SYT16: variants seen among roughly 807,000 people sequenced by gnomAD.
SYT16 encodes synaptotagmin-16.
Under a neutral mutation model 61.4 loss-of-function variants are expected in SYT16, and 42 were observed. That is an observed-to-expected ratio of 0.68 (90% confidence interval 0.53 to 0.89). The LOEUF (loss-of-function observed/expected upper bound fraction) is 0.89, where lower values mean the gene tolerates loss of function less well. Among genes scored for constraint, SYT16 ranks in the 40% least tolerant of loss-of-function variants. SYT16 has a pLI of 0.00. For missense variants in SYT16, 804 were observed against 807.3 expected, an observed-to-expected ratio of 1.00 and a Z score of 0.05; for synonymous variants, 314 against 302.3, an observed-to-expected ratio of 1.04 and a Z score of -0.40.
chr14:61,903,083 A>G (rs1439422246), intron 1 of SYT16, among the ~76,000 whole-genome samples: 3 of 152,148 alleles, frequency 2.0e-5, no homozygotes, highest in Non-Finnish European at 2.9e-5. Context: ...GTAGTCCTAT[A>G]GTGTTCTCCC....
At chr14:61,935,258 A>C (rs1472983643) in intron 1 of SYT16, among the ~76,000 whole-genome samples, 3 of 152,192 alleles carry the variant, frequency 2.0e-5, no homozygotes, top group Non-Finnish European at 4.4e-5. Flanking sequence ...GCGGTGATTG[A>C]AGCTGATTCA....
At chr14:62,038,444 G>C (rs1210109220) in intron 3 of SYT16, among the ~76,000 whole-genome samples, 1 of 151,926 alleles carries the variant, frequency 6.6e-6, no homozygotes, top group Non-Finnish European at 1.5e-5. Flanking sequence ...TGGCAGAGTG[G>C]AGCTATGACA....
In SYT16 at chr14:62,069,441, T is replaced by G. The variant is rs1040948846; in HGVS notation, c.524-162T>G. On this transcript the variant is annotated intron_variant, in intron 3 of 7. Transcript: ENST00000683842. ...AGCATTCTTTGCTTTGGACTCAAAT[T>G]TGTGTTGCAAAAGTGCTTTAAATTT... is the stretch of plus-strand genomic sequence containing the variant. 16 of 650,550 alleles carry G rather than the reference T, an allele frequency of 2.5e-5. No individual in the cohort carries two copies. In the African/African-American group the frequency reaches 2.6e-4, roughly 10 times the overall value. The allele number at this position is 650,550 out of a possible 1,614,324, so 40.3% of individuals were successfully genotyped here. A position where few individuals can be genotyped will look rare whatever the true frequency, so the allele number is the denominator to read the frequency against.
chr14:61,910,704 T>G lies in SYT16; in HGVS notation c.-324-59428T>G, dbSNP rs190646724. 3.9e-3 allele frequency among the ~76,000 whole-genome samples: 598 copies of G among 151,988 alleles called. 3 individuals carry two copies. The highest frequency in any genetic ancestry group is 0.014 in the African/African-American group (561 of 41,436). On this transcript the variant is annotated intron_variant, in intron 1 of 7. Coordinates refer to ENST00000683842, the MANE Select transcript of SYT16 (RefSeq NM_001367656.1). ...CCACCACGCCAGGCTAATTCTTGTA[T>G]TTTTAGTAGAGACAGGGTTTCACTA... is the stretch of plus-strand genomic sequence containing the variant.
intron 3 of SYT16, among the ~76,000 whole-genome samples, chr14:62,037,712 A>G (rs2054565752): frequency 6.6e-6 from 1 of 152,164 alleles, no homozygotes; most frequent in South Asian, 2.1e-4. Flanking sequence ...TTGTCTTTTT[A>G]AAATCTGAAC....
intron 3 of SYT16, among the ~76,000 whole-genome samples, chr14:62,067,114 G>T (rs76494987): frequency 6.7e-6 from 1 of 149,278 alleles, no homozygotes; most frequent in African/African-American, 2.4e-5. Context: ...ATGTGTGTGT[G>T]TGTGTGTATG....
intron 3 of SYT16, among the ~76,000 whole-genome samples, chr14:62,039,289 G>A (rs891784600): frequency 6.6e-6 from 1 of 152,182 alleles, no homozygotes; most frequent in African/African-American, 2.4e-5. Flanking sequence ...AAAAGACAAG[G>A]CATGAGGTGC....
At chr14:61,979,052 A>G (rs1330039088) in intron 2 of SYT16, among the ~76,000 whole-genome samples, 1 of 152,196 alleles carries the variant, frequency 6.6e-6, no homozygotes, top group Non-Finnish European at 1.5e-5. Context: ...GGATCCTCTT[A>G]ATGATTTGGA....
At chr14:61,940,406 A>G (rs2140448543) in intron 1 of SYT16, among the ~76,000 whole-genome samples, 1 of 152,244 alleles carries the variant, frequency 6.6e-6, no homozygotes, top group East Asian at 1.9e-4. Context: ...GCTTCAAATA[A>G]ACAACAACAA....
At position 62,001,582 on chromosome 14, in the gene SYT16, TG is replaced by T. The variant is rs576294701; in HGVS notation, c.523+5041del. Among the ~76,000 whole-genome samples, 438 of 150,378 alleles carry T rather than the reference TG, an allele frequency of 2.9e-3. 4 individuals are homozygous for T. The highest frequency in any genetic ancestry group is 0.01 in the African/African-American group (409 of 40,636). ...GCATGCATGTGTATGTTTTGGTATT[TG>T]TTTTTCTTGTGTTTTCTAAGCTTAT... is the stretch of plus-strand genomic sequence containing the variant. On this transcript the variant is annotated intron_variant, in intron 3 of 7. Transcript: ENST00000683842.
chr14:62,085,220 G>A (rs1345648851), intron 7 of SYT16, among the ~76,000 whole-genome samples: 1 of 152,174 alleles, frequency 6.6e-6, no homozygotes, highest in African/African-American at 2.4e-5. Flanking sequence ...ACCTTTTTAT[G>A]ATCTTGTTTT....
At chr14:61,963,753 G>A (rs566583297) in intron 1 of SYT16, among the ~76,000 whole-genome samples, 19 of 152,170 alleles carry the variant, frequency 1.2e-4, no homozygotes, top group Non-Finnish European at 2.5e-4. Flanking sequence ...TGGCTAGAGA[G>A]GAGACGTCAA....
intron 2 of SYT16, among the ~76,000 whole-genome samples, chr14:61,988,671 T>A (rs190671338): frequency 3.4e-4 from 52 of 152,332 alleles, no homozygotes; most frequent in African/African-American, 1.1e-3. Context: ...ATAATTTTTT[T>A]AAACTTTATT....
chr14:61,962,641 T>C (rs1206677371), intron 1 of SYT16, among the ~76,000 whole-genome samples: 1 of 152,158 alleles, frequency 6.6e-6, no homozygotes, highest in Admixed American at 6.6e-5. Context: ...ATAATGCATA[T>C]ATTTGTTCAC....
Position 61,840,581 on chromosome 14 carries a change from CTA to C in SYT16, c.-325+27773_-325+27774del, listed in dbSNP as rs141585377. Reference sequence around the variant, plus strand: ...ATTTCTCTTTTCTTTTCTTTCTTTCCTATTTCCTTTTTCTTTATTATTCATTT... The same window carrying C: ...ATTTCTCTTTTCTTTTCTTTCTTTCCTTTCCTTTTTCTTTATTATTCATTT... On this transcript the variant is annotated intron_variant, in intron 1 of 7. Coordinates refer to ENST00000683842, the MANE Select transcript of SYT16 (RefSeq NM_001367656.1). 2.1e-3 allele frequency among the ~76,000 whole-genome samples: 319 copies of C among 152,244 alleles called. 1 individual carries two copies. Among genetic ancestry groups the C allele is most frequent in the African/African-American group, 7.5e-3 (310 of 41,548 alleles).
At chr14:61,976,917 C>T (rs2051833364) in intron 2 of SYT16, among the ~76,000 whole-genome samples, 1 of 151,974 alleles carries the variant, frequency 6.6e-6, no homozygotes, top group Non-Finnish European at 1.5e-5. Flanking sequence ...TTTCCAAGCT[C>T]ATGCTCTGCT....
At chr14:61,961,364 TATCC>T (rs1314850842) in intron 1 of SYT16, among the ~76,000 whole-genome samples, 2 of 152,084 alleles carry the variant, frequency 1.3e-5, no homozygotes, top group African/African-American at 2.4e-5. Flanking sequence ...ATTTGCAAAC[TATCC>T]ATCCAACAAA....
intron 2 of SYT16, among the ~76,000 whole-genome samples, chr14:61,984,932 T>C (rs116030817): frequency 0.031 from 4,680 of 152,202 alleles, 98 homozygotes; most frequent in South Asian, 0.078. Context: ...CAAATATTCT[T>C]TGATTGGGGT....
intron 7 of SYT16, among the ~76,000 whole-genome samples, chr14:62,085,827 T>A (rs1257613662): frequency 6.6e-6 from 1 of 152,236 alleles, no homozygotes; most frequent in Non-Finnish European, 1.5e-5. Context: ...ATTAATTGCA[T>A]AGCTAGACTC....
Sources: allele counts gnomAD v4.1 joint callset (sites outside exome capture counted in the v4.1 genomes callset), GRCh38; gene constraint gnomAD v4.1.1; transcripts MANE v1.5; gene names NCBI Gene and HGNC (gene_info 2026-07-23, HGNC 2026-07-21).